The following RAI1 variants were observed in gnomAD, a reference collection of about 807,000 sequenced individuals.
The protein encoded by RAI1 is retinoic acid induced 1.
RAI1 carries 9 observed loss-of-function variants against 123.8 expected under a neutral mutation model. That is an observed-to-expected ratio of 0.07 (90% CI 0.04 to 0.13). RAI1 has a LOEUF of 0.13. RAI1 is among the 10% of genes least tolerant of loss of function. The pLI is 1.00. For missense variants in RAI1, 2,256 were observed against 2,545.8 expected (o/e 0.89, Z 2.45); for synonymous variants, 1,231 against 1,127.3 (o/e 1.09, Z -1.84).
At position 17,795,069 on chromosome 17, in the gene RAI1, C is replaced by T. The variant is rs752420607; in HGVS notation, c.2121C>T (p.Ser707=). The T allele has an allele frequency of 4.3e-6, 7 of 1,614,066 alleles. No homozygotes were observed. In the South Asian group the frequency reaches 6.6e-5, roughly 15 times the overall value. The part of the protein sequence containing the change: ...PDPKKTTGPL[S]FGTKPTLGVP... ...CCAAAAAGACAACTGGTCCTCTCTC[C>T]TTTGGTACCAAGCCCACCCTTGGGG... is the stretch of plus-strand genomic sequence containing the variant. Residue 707 remains serine (S), a synonymous_variant, in exon 3 of 6, where the codon TCC becomes TCT. Transcript: ENST00000353383. This position sits in a 1 kb window ranked among gnomAD's most constrained non-coding sequence, Gnocchi z 5.9.
Position 17,793,070 on chromosome 17 carries a change from A to C in RAI1, c.122A>C (p.Asp41Ala). 6.2e-7 allele frequency: 1 copy of C among 1,613,988 alleles called. No homozygotes were observed. The highest frequency in any genetic ancestry group is 8.5e-7 in the Non-Finnish European group (1 of 1,180,002). Residue 41 changes from aspartate (D) to alanine (A), a missense_variant, in exon 3 of 6, where the codon GAC becomes GCC. Physicochemically the swap from Asp to Ala is moderately radical, Grantham distance 126. This residue lies in a region of RAI1 where 336 missense variants were observed against 349.8 expected (regional missense o/e 0.96). Transcript: ENST00000353383. ...RQPSQAGLSC[D>A]RQRLLAKDYY... ...CCGAGTCAGGCCGGGCTAAGCTGCG[A>C]CCGGCAGCGGCTGCTCGCCAAGGAC...
chr17:17,734,844 G>A (rs999060166), intron 2 of RAI1, among the ~76,000 whole-genome samples: 1 of 152,156 alleles, frequency 6.6e-6, no homozygotes, highest in African/African-American at 2.4e-5. Flanking sequence ...ACCAGCTCGC[G>A]ACACCAGCTC....
At chr17:17,751,536 A>G (rs778559450) in intron 2 of RAI1, among the ~76,000 whole-genome samples, 3 of 152,226 alleles carry the variant, frequency 2.0e-5, no homozygotes, top group Non-Finnish European at 4.4e-5. Context: ...TGAGGAGGGA[A>G]AGTGAACAGA....
At chr17:17,696,669 A>G (rs945418512) in intron 1 of RAI1, among the ~76,000 whole-genome samples, 2 of 152,028 alleles carry the variant, frequency 1.3e-5, no homozygotes, top group Admixed American at 6.5e-5. Flanking sequence ...CCAGTAACCA[A>G]TGATATGCAG....
Position 17,685,493 on chromosome 17 carries a change from C to T in RAI1, c.-149+3700C>T, listed in dbSNP as rs778225291. On this transcript the variant is annotated intron_variant, in intron 1 of 5. Coordinates refer to ENST00000353383, the MANE Select transcript of RAI1 (RefSeq NM_030665.4). The surrounding 1 kb of genome is among the most constrained non-coding windows in gnomAD (Gnocchi z 4.0). ...AGAGGAGCATTCCTGGCAGAGGGAA[C>T]ACAGTGAGCAGAGCGAGTCTTTGGA... Among the ~76,000 whole-genome samples, 1 of 152,214 alleles carries T rather than the reference C, an allele frequency of 6.6e-6. No individual in the cohort carries two copies. Among genetic ancestry groups the T allele is most frequent in the Non-Finnish European group, 1.5e-5 (1 of 68,034 alleles).
chr17:17,730,371 C>A (rs1916230203), intron 2 of RAI1, among the ~76,000 whole-genome samples: 1 of 152,212 alleles, frequency 6.6e-6, no homozygotes, highest in Admixed American at 6.5e-5. Context: ...CCCCTAGGCC[C>A]CGCAGGGCCG....
In RAI1 at chr17:17,794,063, A is replaced by G; in HGVS notation, c.1115A>G (p.Tyr372Cys). ...PLMPNLENFP[Y>C]SQQPLSTGAF... The stretch of plus-strand genomic sequence containing the variant: ...ATGCCAAACCTGGAGAACTTTCCCT[A>G]CAGCCAGCAGCCGCTCAGCACCGGG... The change falls in exon 3 of 6, where the codon TAC (tyrosine) becomes TGC (cysteine). Residue 372 changes from tyrosine (Y) to cysteine (C), a missense_variant. By Grantham distance (194) the Tyr-to-Cys change is radical. Around this residue, in one of 7 missense-constraint regions of RAI1, gnomAD observed 357 missense variants for 480.2 expected, o/e 0.74. Transcript: ENST00000353383. 1 of 1,613,990 alleles carries G rather than the reference A, an allele frequency of 6.2e-7. No homozygotes were observed. Among genetic ancestry groups the G allele is most frequent in the African/African-American group, 1.3e-5 (1 of 75,028 alleles).
At chr17:17,787,703 A>AG (rs1386341045) in intron 2 of RAI1, among the ~76,000 whole-genome samples, 1 of 152,162 alleles carries the variant, frequency 6.6e-6, no homozygotes, top group Non-Finnish European at 1.5e-5. Context: ...ATCGGCACCA[A>AG]GGATCGGTGG....
intron 2 of RAI1, among the ~76,000 whole-genome samples, chr17:17,772,456 C>T (rs2031195870): frequency 6.6e-6 from 1 of 152,216 alleles, no homozygotes; most frequent in African/African-American, 2.4e-5. Flanking sequence ...ATGTGTGATG[C>T]TCACTGTTGC....
At chr17:17,755,535 T>C (rs1243308165) in intron 2 of RAI1, among the ~76,000 whole-genome samples, 1 of 152,138 alleles carries the variant, frequency 6.6e-6, no homozygotes. Context: ...CAGAGGGTGG[T>C]AGACTCAGGA....
At chr17:17,763,635 G>T (rs1320320484) in intron 2 of RAI1, among the ~76,000 whole-genome samples, 1 of 152,178 alleles carries the variant, frequency 6.6e-6, no homozygotes, top group Non-Finnish European at 1.5e-5. Context: ...AAAAGAACCT[G>T]GTGCATTTGA....
chr17:17,723,349 C>T (rs886214557), intron 1 of RAI1, among the ~76,000 whole-genome samples: 1 of 119,218 alleles, frequency 8.4e-6, no homozygotes, highest in Non-Finnish European at 1.8e-5. Flanking sequence ...ACCCCCCCCC[C>T]CAAGCCCCGT....
intron 1 of RAI1, among the ~76,000 whole-genome samples, chr17:17,713,035 A>C (rs1267847525): frequency 6.6e-6 from 1 of 151,472 alleles, no homozygotes; most frequent in African/African-American, 2.4e-5. Flanking sequence ...TCTTTTTGGG[A>C]GGGGGATGAA....
intron 1 of RAI1, among the ~76,000 whole-genome samples, chr17:17,694,302 C>A (rs1450688313): frequency 6.6e-6 from 1 of 152,154 alleles, no homozygotes; most frequent in Non-Finnish European, 1.5e-5. Flanking sequence ...CAAACTGCCC[C>A]CTCCTCGTCG....
At chr17:17,737,303 C>T (rs1916461628) in intron 2 of RAI1, among the ~76,000 whole-genome samples, 1 of 152,058 alleles carries the variant, frequency 6.6e-6, no homozygotes, top group African/African-American at 2.4e-5. Context: ...GCCCAGAGAC[C>T]CCACCTGTGG....
chr17:17,805,269 G>A (rs572648524), intron 4 of RAI1, among the ~76,000 whole-genome samples: 1 of 152,276 alleles, frequency 6.6e-6, no homozygotes, highest in South Asian at 2.1e-4. Flanking sequence ...CTGCAGAGCT[G>A]CTGGGAGGAG....
rs570542310 is a variant in RAI1, at chr17:17,750,554, T to A, written c.-17+26395T>A. Among the ~76,000 whole-genome samples, 1,272 of 151,794 alleles carry A rather than the reference T, an allele frequency of 8.4e-3. 7 individuals are homozygous for A. The highest frequency in any genetic ancestry group is 0.028 in the African/African-American group (1,165 of 41,436). On this transcript the variant is annotated intron_variant, in intron 2 of 5. Coordinates refer to ENST00000353383, the MANE Select transcript of RAI1 (RefSeq NM_030665.4). ...CTAACCAACATGGAGAAACCTTGTCTCTACTAAAAATACAAAATTAGCCGG... is the reference window on the plus strand; with the variant it reads ...CTAACCAACATGGAGAAACCTTGTCACTACTAAAAATACAAAATTAGCCGG...
intron 2 of RAI1, among the ~76,000 whole-genome samples, chr17:17,738,004 G>A (rs1482230796): frequency 6.6e-6 from 1 of 152,168 alleles, no homozygotes; most frequent in East Asian, 1.9e-4. Context: ...GGGAGGCAGT[G>A]CCATCCCAGG....
chr17:17,690,785 G>T (rs528832140), intron 1 of RAI1, among the ~76,000 whole-genome samples: 2 of 152,332 alleles, frequency 1.3e-5, no homozygotes, highest in South Asian at 4.1e-4. Flanking sequence ...AGTGGACAAA[G>T]AATTGTTACA....
Sources: gnomAD v4.1 joint callset for allele counts (sites outside exome capture counted in the v4.1 genomes callset) on GRCh38, gnomAD v4.1.1 for gene constraint, gnomAD v4.1.1 regional missense constraint, Gnocchi (gnomAD v3.1) non-coding constraint, MANE v1.5 for transcripts, NCBI Gene and HGNC (gene_info 2026-07-23, HGNC 2026-07-21) for gene names.